Variants in PANK4 observed in about 807,000 individuals in gnomAD.
PANK4 encodes the protein 4'-phosphopantetheine phosphatase.
Under a neutral mutation model 87.9 loss-of-function variants are expected in PANK4, and 40 were observed. The ratio of observed to expected loss-of-function variants is 0.46; its 90% CI spans 0.35 to 0.59. The LOEUF (loss-of-function observed/expected upper bound fraction) is 0.59, where lower values mean the gene tolerates loss of function less well. Ranked by LOEUF, PANK4 falls within the 20% of genes least tolerant of loss-of-function variation. The probability of loss-of-function intolerance (pLI) is 0.00; values close to 1 mark genes in which losing one functional copy is unlikely to be tolerated. For missense variants in PANK4, 926 were observed against 1,072.3 expected, an observed-to-expected ratio of 0.86 and a Z score of 1.90; for synonymous variants, 524 against 467.4, an observed-to-expected ratio of 1.12 and a Z score of -1.56.
In PANK4 at chr1:2,519,825, C is replaced by T. The variant is rs747354045; in HGVS notation, c.829G>A (p.Gly277Arg). 5.1e-5 allele frequency: 81 copies of T among 1,580,578 alleles called. No individual in the cohort carries two copies. Among genetic ancestry groups the T allele is most frequent in the African/African-American group, 9.4e-5 (7 of 74,346 alleles). The change falls in exon 6 of 19, where the codon GGG becomes AGG. Residue 277 changes from glycine (G) to arginine (R), a missense_variant. Transcript: ENST00000378466. The surrounding 1 kb of genome is among the most constrained non-coding windows in gnomAD (Gnocchi z 8.3). ...LSGNLIASSF[G>R]KSATADQEFS... ...CCTTGGTCGGCGGTGGCCGACTTCC[C>T]GAAGCTGCTGGCGATGAGGTTCCCG...
At chr1:2,513,958 A>G (rs1188562787) in intron 12 of PANK4, 44 bp downstream of exon 12, 5 of 1,383,768 alleles carry the variant, frequency 3.6e-6, no homozygotes, top group Non-Finnish European at 5.1e-6. Flanking sequence ...TGCCAGCGGG[A>G]CGGGGACAAG....
Position 2,521,706 on chromosome 1 carries a change from G to C in PANK4, c.207+12C>G. On this transcript the variant is annotated intron_variant, in intron 2 of 18. Coordinates refer to ENST00000378466, the MANE Select transcript of PANK4 (RefSeq NM_018216.4). Reference sequence around the variant, plus strand: ...GGCTGCCCTGCCCCGGGTGGCCACAGTGCAGGCTCACCTTTCCGGAGTGGT... The same window carrying C: ...GGCTGCCCTGCCCCGGGTGGCCACACTGCAGGCTCACCTTTCCGGAGTGGT... 6.2e-7 allele frequency: 1 copy of C among 1,610,220 alleles called. No homozygotes were observed. Among genetic ancestry groups the C allele is most frequent in the Non-Finnish European group, 8.5e-7 (1 of 1,176,678 alleles).
chr1:2,521,453 G>C, intron 2 of PANK4, 138 bp from the exon 3 acceptor site: 2 of 794,412 alleles, frequency 2.5e-6, no homozygotes, highest in Non-Finnish European at 4.3e-6. Context: ...TCCTGGGCAA[G>C]AGGGAGGAGC....
At position 2,510,227 on chromosome 1, in the gene PANK4, C is replaced by T; in HGVS notation, c.1939-70G>A. 1 of 1,017,368 alleles carries T rather than the reference C, an allele frequency of 9.8e-7. No homozygotes were observed. Among genetic ancestry groups the T allele is most frequent in the Non-Finnish European group, 1.5e-6 (1 of 662,394 alleles). The allele number at this position is 1,017,368 out of a possible 1,614,324, so 63.0% of individuals were successfully genotyped here. ...AGCATGGAGCCTGCGTGCACCCCGG[C>T]CTTCGAGTGGCTGGGCTGGGTGAGG... On this transcript the variant is annotated intron_variant, in intron 16 of 18. Transcript: ENST00000378466. The surrounding 1 kb of genome is among the most constrained non-coding windows in gnomAD (Gnocchi z 4.9).
chr1:2,518,718 G>T, intron 7 of PANK4, 121 bp from the exon 8 acceptor site: 1 of 774,482 alleles, frequency 1.3e-6, no homozygotes, highest in South Asian at 1.5e-5. Flanking sequence ...GAGGCGCCAT[G>T]GCACCCACGG....
At position 2,515,482 on chromosome 1, in the gene PANK4, C is replaced by T. The variant is rs1643753450; in HGVS notation, c.1374+80G>A. 2.0e-6 allele frequency: 3 copies of T among 1,491,364 alleles called. No individual in the cohort carries two copies. Among genetic ancestry groups the T allele is most frequent in the Non-Finnish European group, 2.8e-6 (3 of 1,072,124 alleles). 92.4% of individuals were successfully genotyped at this position (1,491,364 alleles called of 1,614,324 possible). A position where few individuals can be genotyped will look rare whatever the true frequency, so the allele number is the denominator to read the frequency against. ...ACACTGGCCTGTCCCCCTTCGCCACCTTGGCTTTGCCCCCGGAGCCTTGGA... is the reference window on the plus strand; with the variant it reads ...ACACTGGCCTGTCCCCCTTCGCCACTTTGGCTTTGCCCCCGGAGCCTTGGA... On this transcript the variant is annotated intron_variant, in intron 10 of 18. Coordinates refer to ENST00000378466, the MANE Select transcript of PANK4 (RefSeq NM_018216.4). This position sits in a 1 kb window ranked among gnomAD's most constrained non-coding sequence, Gnocchi z 5.0.
At chr1:2,512,632 C>A (rs1643680554) in intron 13 of PANK4, 3 of 539,726 alleles carry the variant, frequency 5.6e-6, no homozygotes, top group Non-Finnish European at 9.8e-6. Context: ...CAAATCCACA[C>A]CCTTAGGCCT....
chr1:2,517,030 G>A (rs1643793264), intron 9 of PANK4, among the ~76,000 whole-genome samples: 1 of 152,236 alleles, frequency 6.6e-6, no homozygotes, highest in Admixed American at 6.5e-5. Flanking sequence ...AAGCACTGTG[G>A]CCGTCCACGC....
Position 2,510,199 on chromosome 1 carries a change from C to T in PANK4, c.1939-42G>A. 4.6e-6 allele frequency: 6 copies of T among 1,291,206 alleles called. No individual in the cohort carries two copies. Among genetic ancestry groups the T allele is most frequent in the Non-Finnish European group, 6.6e-6 (6 of 907,094 alleles). The allele number at this position is 1,291,206 out of a possible 1,614,324, so 80.0% of individuals were successfully genotyped here. ...CAGGCTCTTTAGGAACCTGTGCTGG[C>T]CCAGCATGGAGCCTGCGTGCACCCC... is the stretch of plus-strand genomic sequence containing the variant. On this transcript the variant is annotated intron_variant, in intron 16 of 18. Coordinates refer to ENST00000378466, the MANE Select transcript of PANK4 (RefSeq NM_018216.4). This position sits in a 1 kb window ranked among gnomAD's most constrained non-coding sequence, Gnocchi z 4.9.
Position 2,510,170 on chromosome 1 carries a change from G to A in PANK4, c.1939-13C>T. On this transcript the variant is annotated splice_polypyrimidine_tract_variant and intron_variant, in intron 16 of 18. Coordinates refer to ENST00000378466, the MANE Select transcript of PANK4 (RefSeq NM_018216.4). The surrounding 1 kb of genome is among the most constrained non-coding windows in gnomAD (Gnocchi z 4.9). ...ACGCCAGGATGACCTGCAGGAGGAG[G>A]GCCCAGGCTCTTTAGGAACCTGTGC... is the stretch of plus-strand genomic sequence containing the variant. 6.4e-7 allele frequency: 1 copy of A among 1,550,402 alleles called. No homozygotes were observed. Among genetic ancestry groups the A allele is most frequent in the South Asian group, 1.2e-5 (1 of 86,890 alleles).
At chr1:2,521,965 GGAAAA>G in intron 1 of PANK4, 165 bp from the exon 2 acceptor site, 1 of 602,500 alleles carries the variant, frequency 1.7e-6, no homozygotes, top group South Asian at 2.0e-5. Flanking sequence ...AGAGAGGACA[GGAAAA>G]CGAACAATCA....
At position 2,520,952 on chromosome 1, in the gene PANK4, G is replaced by A; in HGVS notation, c.423-46C>T. On this transcript the variant is annotated intron_variant, in intron 3 of 18. Coordinates refer to ENST00000378466, the MANE Select transcript of PANK4 (RefSeq NM_018216.4). The surrounding 1 kb of genome is among the most constrained non-coding windows in gnomAD (Gnocchi z 6.2). ...CCTTAAAGAGTCTGGGCCACAGACA[G>A]GTGCAACCATGCAAGCCTGCCTGGT... 2 of 1,534,062 alleles carry A rather than the reference G, an allele frequency of 1.3e-6. No individual in the cohort carries two copies. Among genetic ancestry groups the A allele is most frequent in the East Asian group, 4.5e-5 (2 of 44,206 alleles).
At chr1:2,518,378 G>A (rs1643823151) in intron 8 of PANK4, 114 bp from the exon 9 acceptor site, 1 of 960,414 alleles carries the variant, frequency 1.0e-6, no homozygotes, top group East Asian at 2.6e-5. Context: ...TAAAATGTTA[G>A]ACATGCCTGC....
Position 2,518,220 on chromosome 1 carries a change from C to T in PANK4, c.1162G>A (p.Gly388Arg), listed in dbSNP as rs549413687. ...AGCTCGGGTGATGCACTCATCAGCC[C>T]GGAGCTGCCTGCATAGTTCTCTCCC... Reference protein sequence around the residue: ...SWGENYAGSSGLMSASPELGP... With the variant: ...SWGENYAGSSRLMSASPELGP... The change falls in exon 9 of 19, where the codon GGG (glycine) becomes AGG (arginine). Residue 388 changes from glycine (G) to arginine (R), a missense_variant. Coordinates refer to ENST00000378466, the MANE Select transcript of PANK4 (RefSeq NM_018216.4). 4.3e-6 allele frequency: 7 copies of T among 1,611,942 alleles called. No individual in the cohort carries two copies. Among genetic ancestry groups the T allele is most frequent in the Admixed American group, 3.3e-5 (2 of 59,994 alleles).
At position 2,526,595 on chromosome 1, in the gene PANK4, G is replaced by A. The variant is rs574736154; in HGVS notation, c.-8C>T. 79 of 1,599,022 alleles carry A rather than the reference G, an allele frequency of 4.9e-5. No individual in the cohort carries two copies. In the South Asian group the frequency reaches 6.6e-4, roughly 13 times the overall value. On this transcript the variant is annotated 5_prime_UTR_variant, in exon 1 of 19. Transcript: ENST00000378466. ...CGCTCCACACTCCGCCATTTTGAAA[G>A]TGCCCGGCCAGCTCATCAGCCATGG...
At position 2,520,490 on chromosome 1, in the gene PANK4, G is replaced by A; in HGVS notation, c.607-76C>T. ...GGCTCCCCCGCCCCCCGCCCCATGT[G>A]CTGCGCTGGGGTGAACCCCGCCCCC... On this transcript the variant is annotated intron_variant, in intron 4 of 18. Transcript: ENST00000378466. The surrounding 1 kb of genome is among the most constrained non-coding windows in gnomAD (Gnocchi z 6.2). The A allele has an allele frequency of 4.8e-6, 6 of 1,259,708 alleles. No individual in the cohort carries two copies. Among genetic ancestry groups the A allele is most frequent in the East Asian group, 2.5e-5 (1 of 40,128 alleles). 78.0% of individuals were successfully genotyped at this position (1,259,708 alleles called of 1,614,324 possible).
rs760628126 is a variant in PANK4 at position 2,508,949 on chromosome 1, G to A, written c.2220C>T (p.Cys740=). The A allele has an allele frequency of 5.6e-6, 9 of 1,610,136 alleles. No individual in the cohort carries two copies. In the Admixed American group the frequency reaches 6.7e-5, roughly 12 times the overall value. Reference sequence around the variant, plus strand: ...TGATGACGGCCAGCTTGAGGCTCTCGCAGCGCAGGGCTGCGTGGTAGTTTG... The same window carrying A: ...TGATGACGGCCAGCTTGAGGCTCTCACAGCGCAGGGCTGCGTGGTAGTTTG... The part of the protein sequence containing the change: ...VHTNYHAALR[C]ESLKLAVIKN... Residue 740 remains cysteine (C), a synonymous_variant, in exon 19 of 19, where the codon TGC becomes TGT. Coordinates refer to ENST00000378466, the MANE Select transcript of PANK4 (RefSeq NM_018216.4). The surrounding 1 kb of genome is among the most constrained non-coding windows in gnomAD (Gnocchi z 5.1).
At position 2,509,851 on chromosome 1, in the gene PANK4, T is replaced by C. The variant is rs761851247; in HGVS notation, c.2108+11A>G. 3 of 1,609,186 alleles carry C rather than the reference T, an allele frequency of 1.9e-6. No individual in the cohort carries two copies. The highest frequency in any genetic ancestry group is 2.5e-6 in the Non-Finnish European group (3 of 1,178,248). On this transcript the variant is annotated intron_variant, in intron 18 of 18. Coordinates refer to ENST00000378466, the MANE Select transcript of PANK4 (RefSeq NM_018216.4). This position sits in a 1 kb window ranked among gnomAD's most constrained non-coding sequence, Gnocchi z 4.9. Reference sequence around the variant, plus strand: ...CAGGAGGGAGAGAACAGGTGCAGGGTGCGGGGTTACCTGAGGTCGAGGCAC... The same window carrying C: ...CAGGAGGGAGAGAACAGGTGCAGGGCGCGGGGTTACCTGAGGTCGAGGCAC...
In PANK4 at chr1:2,509,036, T is replaced by C. The variant is rs1643616258; in HGVS notation, c.2133A>G (p.Ala711=). Residue 711 remains alanine, a synonymous_variant, in exon 19 of 19, where the codon GCA becomes GCG. Coordinates refer to ENST00000378466, the MANE Select transcript of PANK4 (RefSeq NM_018216.4). The surrounding 1 kb of genome is among the most constrained non-coding windows in gnomAD (Gnocchi z 4.9). ...GATCCGCGCCACGCTCCCGCACCAG[T>C]GCGGCCAGCCCCTTATCCAGGCGGC... The part of the protein sequence containing the change: ...DLSRLDKGLA[A]LVRERGADLV... The C allele has an allele frequency of 1.9e-6, 3 of 1,600,748 alleles. No individual in the cohort carries two copies. In the South Asian group the frequency reaches 3.3e-5, roughly 18 times the overall value.
Sources: gnomAD v4.1 joint callset for allele counts (sites outside exome capture counted in the v4.1 genomes callset) on GRCh38, gnomAD v4.1.1 for gene constraint, Gnocchi (gnomAD v3.1) non-coding constraint, MANE v1.5 for transcripts, NCBI Gene and HGNC (gene_info 2026-07-23, HGNC 2026-07-21) for gene names.